Variants in TRHR observed in about 807,000 individuals in gnomAD.
TRHR encodes thyrotropin-releasing hormone receptor.
TRHR carries 14 observed loss-of-function variants against 28.0 expected under a neutral mutation model. The observed-to-expected ratio is 0.50, with a 90% CI of 0.33 to 0.78. TRHR has a LOEUF of 0.78. TRHR is among the 30% of genes least tolerant of loss of function. The pLI, the probability that TRHR is intolerant of heterozygous loss-of-function variation, is 0.02. For synonymous variants in TRHR, 176 were observed against 171.9 expected, an observed-to-expected ratio of 1.02 and a Z score of -0.18; for missense variants, 438 against 469.5, an observed-to-expected ratio of 0.93 and a Z score of 0.62.
Position 109,087,448 on chromosome 8 carries a change from G to A in TRHR, c.-65G>A. ...AGGGGGATGGAACTGCTGCAATAAA[G>A]GTGGGCGCTGGAAAGAAGATGTTTT... On this transcript the variant is annotated 5_prime_UTR_variant, in exon 2 of 3. Coordinates refer to ENST00000518632, the MANE Select transcript of TRHR (RefSeq NM_003301.7). The A allele has an allele frequency of 1.3e-6, 2 of 1,573,894 alleles. No individual in the cohort carries two copies. Among genetic ancestry groups the A allele is most frequent in the Non-Finnish European group, 1.7e-6 (2 of 1,148,698 alleles).
chr8:109,107,582 T>A (rs971745041), intron 2 of TRHR, among the ~76,000 whole-genome samples: 3 of 152,208 alleles, frequency 2.0e-5, no homozygotes, highest in Non-Finnish European at 4.4e-5. Flanking sequence ...ATGTTGGAAC[T>A]CATAGCCAGG....
intron 2 of TRHR, among the ~76,000 whole-genome samples, chr8:109,088,788 T>C (rs944223899): frequency 6.6e-6 from 1 of 152,206 alleles, no homozygotes; most frequent in Non-Finnish European, 1.5e-5. Context: ...TGGAGACATA[T>C]ACCTGAGAAA....
chr8:109,091,549 G>T (rs1320051170), intron 2 of TRHR, among the ~76,000 whole-genome samples: 4 of 152,100 alleles, frequency 2.6e-5, no homozygotes, highest in Non-Finnish European at 4.4e-5. Flanking sequence ...TCTGGGTCAG[G>T]TCTTTCTAAT....
chr8:109,106,802 T>G (rs1393775543), intron 2 of TRHR, among the ~76,000 whole-genome samples: 3 of 152,230 alleles, frequency 2.0e-5, no homozygotes, highest in Non-Finnish European at 4.4e-5. Context: ...TTTTCTCATT[T>G]GTTTATTCAT....
chr8:109,092,808 G>T (rs1811535804), intron 2 of TRHR, among the ~76,000 whole-genome samples: 1 of 150,266 alleles, frequency 6.7e-6, no homozygotes, highest in South Asian at 2.1e-4. Context: ...TGCTATAAAA[G>T]CAGTCATGTG....
At chr8:109,113,455 G>C (rs557165837) in intron 2 of TRHR, among the ~76,000 whole-genome samples, 1 of 152,126 alleles carries the variant, frequency 6.6e-6, no homozygotes, top group African/African-American at 2.4e-5. Flanking sequence ...ATCAAAACAA[G>C]GAAAGTTAGA....
rs769794580 is a variant in TRHR at position 109,087,566 on chromosome 8, A to G, written c.54A>G (p.Ala18=). ...ELNQTQLQPR[A]VVALEYQVVT... ...ACCAAACACAGCTTCAGCCACGAGC[A>G]GTGGTGGCCTTAGAATACCAGGTGG... The change falls in exon 2 of 3, where the codon GCA becomes GCG. Residue 18 remains alanine, a synonymous_variant. Coordinates refer to ENST00000518632, the MANE Select transcript of TRHR (RefSeq NM_003301.7). 6.2e-7 allele frequency: 1 copy of G among 1,614,132 alleles called. No individual in the cohort carries two copies. The highest frequency in any genetic ancestry group is 8.5e-7 in the Non-Finnish European group (1 of 1,180,056).
chr8:109,093,461 A>G (rs1429083517), intron 2 of TRHR, among the ~76,000 whole-genome samples: 3 of 124,902 alleles, frequency 2.4e-5, no homozygotes, highest in African/African-American at 9.5e-5. Flanking sequence ...GCTGGAGTGC[A>G]GTGGTGCGAT....
intron 2 of TRHR, among the ~76,000 whole-genome samples, 178 bp downstream of exon 2, chr8:109,088,479 T>C (rs1396941648): frequency 1.4e-5 from 2 of 146,606 alleles, no homozygotes; most frequent in African/African-American, 4.9e-5. Flanking sequence ...ACTGAAGATC[T>C]AAAAATAGAT....
chr8:109,098,404 T>C (rs969949139), intron 2 of TRHR, among the ~76,000 whole-genome samples: 3 of 152,012 alleles, frequency 2.0e-5, no homozygotes, highest in African/African-American at 7.3e-5. Context: ...AATGCTAGGA[T>C]TACAGCCATC....
In TRHR at chr8:109,087,924, A is replaced by C. The variant is rs759987592; in HGVS notation, c.412A>C (p.Thr138Pro). Residue 138 changes from threonine (T) to proline (P), a missense_variant, in exon 2 of 3, where the codon ACA (threonine) becomes CCA (proline). Coordinates refer to ENST00000518632, the MANE Select transcript of TRHR (RefSeq NM_003301.7). ...CHPIKAQFLC[T>P]FSRAKKIIIF... ...CCCCATCAAAGCCCAGTTTCTCTGCACATTTTCCAGAGCCAAAAAGATTAT... is the reference window on the plus strand; with the variant it reads ...CCCCATCAAAGCCCAGTTTCTCTGCCCATTTTCCAGAGCCAAAAAGATTAT... 1 of 1,614,210 alleles carries C rather than the reference A, an allele frequency of 6.2e-7. No individual in the cohort carries two copies. The highest frequency in any genetic ancestry group is 8.5e-7 in the Non-Finnish European group (1 of 1,180,034).
rs902023983 is a variant in TRHR at position 109,119,631 on chromosome 8, T to G, written c.*176T>G. 1 of 690,902 alleles carries G rather than the reference T, an allele frequency of 1.4e-6. No homozygotes were observed. The highest frequency in any genetic ancestry group is 2.4e-6 in the Non-Finnish European group (1 of 425,198). The allele number at this position is 690,902 out of a possible 1,614,324, so 42.8% of individuals were successfully genotyped here. On this transcript the variant is annotated 3_prime_UTR_variant, in exon 3 of 3. Coordinates refer to ENST00000518632, the MANE Select transcript of TRHR (RefSeq NM_003301.7). The stretch of plus-strand genomic sequence containing the variant: ...CCCATGAGGATGATTCAGACTTTCC[T>G]TCTTACAAACTAATATCACTAAAAA...
intron 2 of TRHR, among the ~76,000 whole-genome samples, chr8:109,101,550 A>G (rs1811676959): frequency 6.6e-6 from 1 of 152,144 alleles, no homozygotes; most frequent in Non-Finnish European, 1.5e-5. Flanking sequence ...TTTCATATAC[A>G]GTACTTCTCA....
At chr8:109,118,635 G>T (rs1811954815) in intron 2 of TRHR, among the ~76,000 whole-genome samples, 1 of 151,736 alleles carries the variant, frequency 6.6e-6, no homozygotes, top group Non-Finnish European at 1.5e-5. Flanking sequence ...CCTCTTCTTG[G>T]CCTCAAGTGT....
chr8:109,114,097 A>C (rs1811879938), intron 2 of TRHR, among the ~76,000 whole-genome samples: 1 of 152,092 alleles, frequency 6.6e-6, no homozygotes, highest in African/African-American at 2.4e-5. Context: ...TGAGAGGTTT[A>C]TGCCACTTAT....
At position 109,087,627 on chromosome 8, in the gene TRHR, G is replaced by A. The variant is rs1157358465; in HGVS notation, c.115G>A (p.Gly39Ser). ...ILLVLIICGLGIVGNIMVVLV... is the reference protein window; with the variant it reads ...ILLVLIICGLSIVGNIMVVLV... ...ACTTGTACTCATTATTTGTGGCCTG[G>A]GCATTGTAGGCAACATCATGGTAGT... The change falls in exon 2 of 3, where the codon GGC becomes AGC. Residue 39 changes from glycine to serine, a missense_variant. Coordinates refer to ENST00000518632, the MANE Select transcript of TRHR (RefSeq NM_003301.7). The A allele has an allele frequency of 1.2e-6, 2 of 1,613,956 alleles. No homozygotes were observed. Among genetic ancestry groups the A allele is most frequent in the Non-Finnish European group, 8.5e-7 (1 of 1,180,022 alleles).
rs550449788 is a variant in TRHR, at chr8:109,091,427, C to A, written c.789+3126C>A. On this transcript the variant is annotated intron_variant, in intron 2 of 2. Coordinates refer to ENST00000518632, the MANE Select transcript of TRHR (RefSeq NM_003301.7). Reference sequence around the variant, plus strand: ...CTTCCAAAATAGTTATTTTCTTAAACCTTTGAAAGGTTCAAACCTCCACCT... The same window carrying A: ...CTTCCAAAATAGTTATTTTCTTAAAACTTTGAAAGGTTCAAACCTCCACCT... Among the ~76,000 whole-genome samples the A allele has an allele frequency of 5.7e-4, 87 of 152,232 alleles. 1 individual carries two copies. Among genetic ancestry groups the A allele is most frequent in the Middle Eastern group, 3.4e-3 (1 of 294 alleles).
chr8:109,119,954 C>G lies in TRHR; in HGVS notation c.*499C>G, dbSNP rs1483221864. ...ATTAAAGGGAAAAATATTACAGAAA[C>G]ATTTTATTTATTGAGTAAAAATAAG... On this transcript the variant is annotated 3_prime_UTR_variant, in exon 3 of 3. Coordinates refer to ENST00000518632, the MANE Select transcript of TRHR (RefSeq NM_003301.7). 6.6e-6 allele frequency among the ~76,000 whole-genome samples: 1 copy of G among 151,718 alleles called. No homozygotes were observed. The highest frequency in any genetic ancestry group is 1.5e-5 in the Non-Finnish European group (1 of 67,840).
At chr8:109,092,899 A>G (rs1337030478) in intron 2 of TRHR, among the ~76,000 whole-genome samples, 4 of 151,858 alleles carry the variant, frequency 2.6e-5, no homozygotes, top group Non-Finnish European at 5.9e-5. Flanking sequence ...GACCAAAATC[A>G]TCATCATTTT....
Sources: gnomAD v4.1 joint callset for allele counts (sites outside exome capture counted in the v4.1 genomes callset) on GRCh38, gnomAD v4.1.1 for gene constraint, MANE v1.5 for transcripts, NCBI Gene and HGNC (gene_info 2026-07-23, HGNC 2026-07-21) for gene names.